Variants in MYCT1 observed in about 807,000 individuals in gnomAD.
MYCT1 encodes MYC target 1.
A neutral mutation model predicts 15.0 loss-of-function variants in MYCT1; 12 were observed. The ratio of observed to expected loss-of-function variants is 0.80; its 90% CI spans 0.51 to 1.29. The LOEUF (loss-of-function observed/expected upper bound fraction) is 1.29. MYCT1 is among the 50% of genes most tolerant of loss of function. The pLI is 0.00. For missense variants in MYCT1, 287 were observed against 279.1 expected, an observed-to-expected ratio of 1.03 and a Z score of -0.20; for synonymous variants, 104 against 102.7, an observed-to-expected ratio of 1.01 and a Z score of -0.07.
intron 1 of MYCT1, among the ~76,000 whole-genome samples, chr6:152,718,642 T>C (rs921986682): frequency 8.5e-5 from 13 of 152,160 alleles, no homozygotes; most frequent in Admixed American, 2.6e-4. Flanking sequence ...ATTATTCCAC[T>C]ATAAATAACA....
chr6:152,724,473 T>C lies in MYCT1; in HGVS notation c.*2220T>C, dbSNP rs2099725270. On this transcript the variant is annotated 3_prime_UTR_variant, in exon 2 of 2. Transcript: ENST00000367245. ...CTATTTCCTAAATATTGTGAGTGTA[T>C]GAAATGTGAAATTAAAGCAAAAACT... 2 of 152,170 alleles carry C rather than the reference T, an allele frequency of 1.3e-5. No individual in the cohort carries two copies. Among genetic ancestry groups the C allele is most frequent in the South Asian group, 4.1e-4 (2 of 4,830 alleles). 9.4% of individuals were successfully genotyped at this position (152,170 alleles called of 1,614,324 possible).
intron 1 of MYCT1, among the ~76,000 whole-genome samples, chr6:152,698,826 T>G (rs2099720859): frequency 6.6e-6 from 1 of 152,300 alleles, no homozygotes; most frequent in Admixed American, 6.5e-5. Flanking sequence ...ATTTTTTGTC[T>G]GAGTCCAGCC....
At chr6:152,707,267 A>G (rs2099722459) in intron 1 of MYCT1, among the ~76,000 whole-genome samples, 1 of 151,866 alleles carries the variant, frequency 6.6e-6, no homozygotes, top group South Asian at 2.1e-4. Flanking sequence ...TATGTTGAGC[A>G]TTTTTTCATC....
At position 152,723,625 on chromosome 6, in the gene MYCT1, T is replaced by G. The variant is rs1241288524; in HGVS notation, c.*1372T>G. The stretch of plus-strand genomic sequence containing the variant: ...TTCTCTGCAGAGTCTGTACAGTGAT[T>G]AAGCCATGCCAGATGGTCTTTGGTG... On this transcript the variant is annotated 3_prime_UTR_variant, in exon 2 of 2. Transcript: ENST00000367245. The G allele has an allele frequency of 1.3e-5, 2 of 152,230 alleles. No homozygotes were observed. Among genetic ancestry groups the G allele is most frequent in the Non-Finnish European group, 2.9e-5 (2 of 68,052 alleles). The allele number at this position is 152,230 out of a possible 1,614,324, so 9.4% of individuals were successfully genotyped here. A position where few individuals can be genotyped will look rare whatever the true frequency, so the allele number is the denominator to read the frequency against.
At chr6:152,706,266 C>T (rs1014988536) in intron 1 of MYCT1, 5 of 657,144 alleles carry the variant, frequency 7.6e-6, no homozygotes, top group African/African-American at 7.2e-5. Flanking sequence ...TCACTGTAAC[C>T]ATCAGTTACT....
chr6:152,722,711 C>A lies in MYCT1; in HGVS notation c.*458C>A. On this transcript the variant is annotated 3_prime_UTR_variant, in exon 2 of 2. Transcript: ENST00000367245. The stretch of plus-strand genomic sequence containing the variant: ...ACTTTCTTTAGAATGACAAGTGAAT[C>A]ATATTGACATTTTACAATCTTAGAT... 1 of 359,586 alleles carries A rather than the reference C, an allele frequency of 2.8e-6. No homozygotes were observed. The highest frequency in any genetic ancestry group is 2.2e-5 in the South Asian group (1 of 45,324). 22.3% of individuals were successfully genotyped at this position (359,586 alleles called of 1,614,324 possible).
chr6:152,732,211 G>C, the MYCT1 span, among the ~76,000 whole-genome samples: 2 of 152,070 alleles, frequency 1.3e-5, no homozygotes, highest in African/African-American at 4.8e-5. Context: ...TAAAACTTAA[G>C]AAACAATGTC....
intron 1 of MYCT1, among the ~76,000 whole-genome samples, chr6:152,705,324 C>T (rs960076200): frequency 2.0e-5 from 3 of 152,066 alleles, no homozygotes; most frequent in Admixed American, 6.6e-5. Context: ...GTTTGTTGAA[C>T]GCTATACTGA....
At chr6:152,730,190 A>G in the MYCT1 span, among the ~76,000 whole-genome samples, 1 of 152,122 alleles carries the variant, frequency 6.6e-6, no homozygotes, top group Admixed American at 6.6e-5. Flanking sequence ...CTTTCTCACC[A>G]TATATACTCC....
At chr6:152,716,084 C>T (rs2099723623) in intron 1 of MYCT1, among the ~76,000 whole-genome samples, 1 of 152,146 alleles carries the variant, frequency 6.6e-6, no homozygotes, top group Admixed American at 6.5e-5. Flanking sequence ...AGCAGGAAGA[C>T]CATATTCCAG....
chr6:152,743,969 A>T, the MYCT1 span, among the ~76,000 whole-genome samples: 1 of 152,098 alleles, frequency 6.6e-6, no homozygotes, highest in African/African-American at 2.4e-5. Flanking sequence ...TGACAGGGAG[A>T]GTTTCTTTCC....
At chr6:152,731,563 C>T in the MYCT1 span, among the ~76,000 whole-genome samples, 2 of 152,048 alleles carry the variant, frequency 1.3e-5, no homozygotes, top group Non-Finnish European at 2.9e-5. Flanking sequence ...GTGTTCCTCA[C>T]CCTGTGTCCA....
At chr6:152,736,765 A>C in the MYCT1 span, among the ~76,000 whole-genome samples, 2 of 152,114 alleles carry the variant, frequency 1.3e-5, no homozygotes, top group Non-Finnish European at 2.9e-5. Context: ...TACTTCTCGG[A>C]ATAAAAAATT....
chr6:152,700,787 G>A (rs562512529), intron 1 of MYCT1, among the ~76,000 whole-genome samples: 25 of 152,140 alleles, frequency 1.6e-4, no homozygotes, highest in South Asian at 4.1e-4. Context: ...TGTAGAAGAC[G>A]TAGTTTTGGT....
chr6:152,722,322 T>C lies in MYCT1; in HGVS notation c.*69T>C. 1 of 1,489,346 alleles carries C rather than the reference T, an allele frequency of 6.7e-7. No individual in the cohort carries two copies. Among genetic ancestry groups the C allele is most frequent in the South Asian group, 1.3e-5 (1 of 74,328 alleles). The allele number at this position is 1,489,346 out of a possible 1,614,324, so 92.3% of individuals were successfully genotyped here. ...TATTGAAAGGAAATCAAAAATAGGC[T>C]AAACAGAATTTTGAGGGCATGGCCC... On this transcript the variant is annotated 3_prime_UTR_variant, in exon 2 of 2. Coordinates refer to ENST00000367245, the MANE Select transcript of MYCT1 (RefSeq NM_025107.3).
At chr6:152,737,547 T>C in the MYCT1 span, among the ~76,000 whole-genome samples, 1 of 152,110 alleles carries the variant, frequency 6.6e-6, no homozygotes, top group Admixed American at 6.6e-5. Context: ...ATGCTCCCTC[T>C]ATGTACAATA....
At chr6:152,714,917 T>C (rs1438370486) in intron 1 of MYCT1, among the ~76,000 whole-genome samples, 1 of 152,030 alleles carries the variant, frequency 6.6e-6, no homozygotes, top group Non-Finnish European at 1.5e-5. Context: ...CAACTTGGGA[T>C]TGATCTATAT....
the MYCT1 span, among the ~76,000 whole-genome samples, chr6:152,731,886 T>A: frequency 6.6e-6 from 1 of 152,062 alleles, no homozygotes; most frequent in Non-Finnish European, 1.5e-5. Context: ...TAGCTGGGAC[T>A]ATAGGGCACA....
At chr6:152,734,556 C>T in the MYCT1 span, among the ~76,000 whole-genome samples, 1 of 152,270 alleles carries the variant, frequency 6.6e-6, no homozygotes, top group East Asian at 1.9e-4. Context: ...TGCAGTGACT[C>T]ATTTGTCCTT....
Sources: gnomAD v4.1 joint callset for allele counts (sites outside exome capture counted in the v4.1 genomes callset) on GRCh38, gnomAD v4.1.1 for gene constraint, MANE v1.5 for transcripts, NCBI Gene and HGNC (gene_info 2026-07-23, HGNC 2026-07-21) for gene names.